GBP5: variants seen among roughly 807,000 people sequenced by gnomAD.
GBP5 encodes the protein guanylate-binding protein 5.
In GBP5, 48 loss-of-function variants were observed where a neutral mutation model predicts 58.2. That is an observed-to-expected ratio of 0.83 (90% CI 0.65 to 1.05). The LOEUF (loss-of-function observed/expected upper bound fraction) is 1.05. Ranked by LOEUF, GBP5 falls within the 50% of genes least tolerant of loss-of-function variation. GBP5 has a pLI of 0.00. For synonymous variants in GBP5, 248 were observed against 251.8 expected (o/e 0.98, Z 0.14); for missense variants, 714 against 686.8 (o/e 1.04, Z -0.44).
rs536925959 is a variant in GBP5, at chr1:89,267,409, A to G, written c.428+8T>C. ...ACTTTGGTGCCATCCCATACCACAAAAGGATACTGCAGTAGGTCGATAGCA... is the reference window on the plus strand; with the variant it reads ...ACTTTGGTGCCATCCCATACCACAAGAGGATACTGCAGTAGGTCGATAGCA... On this transcript the variant is annotated splice_region_variant and intron_variant, in intron 5 of 11. Transcript: ENST00000370459. 1.1e-4 allele frequency: 176 copies of G among 1,589,216 alleles called. 3 individuals carry two copies. The South Asian group carries it at 1.8e-3, about 16-fold the overall frequency.
rs1650230785 is a variant in GBP5, at chr1:89,266,597, T to TA, written c.626-10dup. On this transcript the variant is annotated splice_polypyrimidine_tract_variant and intron_variant, in intron 6 of 11. Transcript: ENST00000370459. The stretch of plus-strand genomic sequence containing the variant: ...AACTCTTTGATCACTACCTGGAGAA[T>TA]AAAAAATAGGATTTATTTAGCATAG... The TA allele has an allele frequency of 6.2e-7, 1 of 1,600,800 alleles. No homozygotes were observed. The highest frequency in any genetic ancestry group is 8.5e-7 in the Non-Finnish European group (1 of 1,172,780).
chr1:89,269,575 C>T lies in GBP5; in HGVS notation c.-19-1G>A, dbSNP rs1253947630. The T allele has an allele frequency of 1.9e-6, 3 of 1,593,544 alleles. No individual in the cohort carries two copies. Among genetic ancestry groups the T allele is most frequent in the South Asian group, 1.1e-5 (1 of 90,300 alleles). ...AGCCATGTCTAGGATGTTACTTTGC[C>T]TGCAAGGGAACAGATGGGATAGGCT... On this transcript the variant is annotated splice_acceptor_variant, in intron 2 of 11. Coordinates refer to ENST00000370459, the MANE Select transcript of GBP5 (RefSeq NM_052942.5). LOFTEE classifies it low-confidence loss of function (5UTR_SPLICE).
At chr1:89,265,727 C>CAAAAAAAAAAAAAAAAAAAAAAAAAA in intron 7 of GBP5, among the ~76,000 whole-genome samples, 1 of 80,510 alleles carries the variant, frequency 1.2e-5, no homozygotes, top group Non-Finnish European at 2.5e-5. Context: ...GACTCCACCT[C>CAAAAAAAAAAAAAAAAAAAAAAAAAA]AAAAAAAAAA....
chr1:89,271,882 A>C (rs564177368), intron 1 of GBP5: 1 of 152,356 alleles, frequency 6.6e-6, no homozygotes, highest in Admixed American at 6.5e-5. Flanking sequence ...TTAAGTGAGT[A>C]GATGCCAAGA....
In GBP5 at chr1:89,256,745, A is replaced by G. The variant is rs971363400; in HGVS notation, c.*3959T>C. Among the ~76,000 whole-genome samples, 4 of 152,158 alleles carry G rather than the reference A, an allele frequency of 2.6e-5. No homozygotes were observed. Among genetic ancestry groups the G allele is most frequent in the East Asian group, 1.9e-4 (1 of 5,202 alleles). Reference sequence around the variant, plus strand: ...TAGTTTTACATTTTATATTTTATCAATTTGGGTGTGGTTCCTTTTTCTTAT... The same window carrying G: ...TAGTTTTACATTTTATATTTTATCAGTTTGGGTGTGGTTCCTTTTTCTTAT... On this transcript the variant is annotated 3_prime_UTR_variant, in exon 12 of 12. Coordinates refer to ENST00000370459, the MANE Select transcript of GBP5 (RefSeq NM_052942.5).
rs868778489 is a variant in GBP5 at position 89,263,863 on chromosome 1, A to G, written c.1235T>C (p.Ile412Thr). ...SDYCSALLKD[I>T]FGPLEEAVKQ... ...CACTGCTTCTTCTAGAGGACCAAAA[A>G]TATCCTTAAGTAAAGCCGAGCAATA... The change falls in exon 9 of 12, where the codon ATT (isoleucine) becomes ACT (threonine). Residue 412 changes from isoleucine (I) to threonine (T), a missense_variant. By Grantham distance (89) the Ile-to-Thr change is moderately conservative. Coordinates refer to ENST00000370459, the MANE Select transcript of GBP5 (RefSeq NM_052942.5). The G allele has an allele frequency of 4.3e-6, 7 of 1,613,004 alleles. No individual in the cohort carries two copies. The Middle Eastern group carries it at 1.2e-3, about 266-fold the overall frequency.
At chr1:89,264,100 T>C in intron 8 of GBP5, 152 bp from the exon 9 acceptor site, 1 of 593,300 alleles carries the variant, frequency 1.7e-6, no homozygotes. Flanking sequence ...CCTGGAAAAA[T>C]TCCAAGGATG....
At position 89,256,452 on chromosome 1, in the gene GBP5, G is replaced by A. The variant is rs927169411; in HGVS notation, c.*4252C>T. 7.2e-5 allele frequency among the ~76,000 whole-genome samples: 11 copies of A among 152,058 alleles called. No homozygotes were observed. Among genetic ancestry groups the A allele is most frequent in the Admixed American group, 1.3e-4 (2 of 15,276 alleles). ...TATGTACCTGGGTTGTTACTTGTGCGTTCATCTTGTAATTTATTTATATTG... is the reference window on the plus strand; with the variant it reads ...TATGTACCTGGGTTGTTACTTGTGCATTCATCTTGTAATTTATTTATATTG... On this transcript the variant is annotated 3_prime_UTR_variant, in exon 12 of 12. Transcript: ENST00000370459.
intron 7 of GBP5, among the ~76,000 whole-genome samples, chr1:89,266,032 G>A (rs1369964330): frequency 6.6e-6 from 1 of 152,164 alleles, no homozygotes; most frequent in Non-Finnish European, 1.5e-5. Flanking sequence ...ATCAAATACT[G>A]TGACACATAA....
At chr1:89,262,921 G>T (rs1474001508) in intron 9 of GBP5, 136 bp from the exon 10 acceptor site, 1 of 566,888 alleles carries the variant, frequency 1.8e-6, no homozygotes, top group African/African-American at 2.0e-5. Context: ...CCATAGGAGA[G>T]GTGGAGCCTA....
chr1:89,263,386 CAATG>C, intron 9 of GBP5: 1 of 199,610 alleles, frequency 5.0e-6, no homozygotes, highest in South Asian at 1.3e-4. Context: ...TTGTGTAAGC[CAATG>C]AATTACTGGT....
intron 2 of GBP5, chr1:89,270,434 C>T (rs1242541212): frequency 1.3e-5 from 2 of 152,194 alleles, no homozygotes; most frequent in African/African-American, 4.8e-5. Flanking sequence ...TCACTAAAAT[C>T]TTACAATGAA....
At chr1:89,266,689 A>G (rs1267313995) in intron 6 of GBP5, 101 bp from the exon 7 acceptor site, 7 of 1,120,670 alleles carry the variant, frequency 6.2e-6, no homozygotes, top group Admixed American at 2.4e-5. Context: ...ACTTAGATTA[A>G]TATATCTTCA....
chr1:89,262,316 C>G lies in GBP5; in HGVS notation c.1551G>C (p.Glu517Asp). Residue 517 changes from glutamate (E) to aspartate (D), a missense_variant, in exon 11 of 12, where the codon GAG (glutamate) becomes GAC (aspartate). Transcript: ENST00000370459. ...CTTGTTCCTGATGGAGTCTCTCCCTCTCCTGCATCATTTGCTCGTTCTGCC... is the reference window on the plus strand; with the variant it reads ...CTTGTTCCTGATGGAGTCTCTCCCTGTCCTGCATCATTTGCTCGTTCTGCC... ...IQRQNEQMMQ[E>D]RERLHQEQVR... The G allele has an allele frequency of 6.2e-7, 1 of 1,614,152 alleles. No homozygotes were observed. The highest frequency in any genetic ancestry group is 8.5e-7 in the Non-Finnish European group (1 of 1,179,972).
Position 89,266,516 on chromosome 1 carries a change from C to A in GBP5, c.698G>T (p.Cys233Phe). ...GTGAGCAGGTAAGTCAAAGATAAAG[C>A]ATTTCTTTTTTGGAAAGAACTTCTG... ...CIQKFFPKKK[C>F]FIFDLPAHQK... is the part of the protein sequence containing the mutation. Residue 233 changes from cysteine (C) to phenylalanine (F), a missense_variant, in exon 7 of 12, where the codon TGC (cysteine) becomes TTC (phenylalanine). Cys to Phe is a radical substitution (Grantham distance 205). Coordinates refer to ENST00000370459, the MANE Select transcript of GBP5 (RefSeq NM_052942.5). 1.2e-6 allele frequency: 2 copies of A among 1,613,988 alleles called. No individual in the cohort carries two copies. The highest frequency in any genetic ancestry group is 4.5e-5 in the East Asian group (2 of 44,864).
Position 89,257,603 on chromosome 1 carries a change from A to G in GBP5, c.*3101T>C, listed in dbSNP as rs1433884288. On this transcript the variant is annotated 3_prime_UTR_variant, in exon 12 of 12. Coordinates refer to ENST00000370459, the MANE Select transcript of GBP5 (RefSeq NM_052942.5). The stretch of plus-strand genomic sequence containing the variant: ...GATAACACTAACATACATTGATAAT[A>G]TTGTTTAAAATAACAATTGCCATAA... 6.6e-6 allele frequency among the ~76,000 whole-genome samples: 1 copy of G among 152,242 alleles called. No homozygotes were observed. The highest frequency in any genetic ancestry group is 1.5e-5 in the Non-Finnish European group (1 of 68,036).
rs1370590770 is a variant in GBP5 at position 89,257,808 on chromosome 1, A to C, written c.*2896T>G. Among the ~76,000 whole-genome samples, 2 of 152,190 alleles carry C rather than the reference A, an allele frequency of 1.3e-5. No individual in the cohort carries two copies. Among genetic ancestry groups the C allele is most frequent in the Non-Finnish European group, 2.9e-5 (2 of 68,040 alleles). On this transcript the variant is annotated 3_prime_UTR_variant, in exon 12 of 12. Transcript: ENST00000370459. ...ATTGCTGCTATAACAAATTATTACT[A>C]ATTTTGTGGCTTAAAACAACAGAAG...
At chr1:89,262,855 T>C in intron 9 of GBP5, 70 bp from the exon 10 acceptor site, 2 of 947,566 alleles carry the variant, frequency 2.1e-6, no homozygotes, top group Non-Finnish European at 3.2e-6. Context: ...CATCTTTGTC[T>C]TGTTCCTTCC....
chr1:89,264,942 T>C lies in GBP5; in HGVS notation c.893A>G (p.Tyr298Cys). 5 of 1,614,036 alleles carry C rather than the reference T, an allele frequency of 3.1e-6. No individual in the cohort carries two copies. Among genetic ancestry groups the C allele is most frequent in the South Asian group, 1.1e-5 (1 of 91,086 alleles). ...ATCCCCACTGCTGATGGCATTGACA[T>C]AGGTCAGCACCAGGTTCTTTAGACC... ...GSRLKNLVLT[Y>C]VNAISSGDLP... The change falls in exon 8 of 12, where the codon TAT becomes TGT. Residue 298 changes from tyrosine to cysteine, a missense_variant. Transcript: ENST00000370459.
Sources: gnomAD v4.1 joint callset for allele counts (sites outside exome capture counted in the v4.1 genomes callset) on GRCh38, gnomAD v4.1.1 for gene constraint, MANE v1.5 for transcripts, NCBI Gene and HGNC (gene_info 2026-07-23, HGNC 2026-07-21) for gene names.